The following SMYD3 variants were observed in gnomAD, a reference collection of about 807,000 sequenced individuals.
SMYD3 encodes SET and MYND domain containing 3.
In SMYD3, 36 loss-of-function variants were observed where a neutral mutation model predicts 57.7. The observed-to-expected ratio is 0.62, with a 90% CI of 0.48 to 0.82. SMYD3 has a LOEUF of 0.82. SMYD3 is among the 40% of genes least tolerant of loss of function. The pLI is 0.00. For synonymous variants in SMYD3, 211 were observed against 195.0 expected (o/e 1.08, Z -0.68); for missense variants, 515 against 538.8 (o/e 0.96, Z 0.44).
intron 10 of SMYD3, among the ~76,000 whole-genome samples, chr1:245,845,366 T>C (rs1157475835): frequency 6.6e-6 from 1 of 152,242 alleles, no homozygotes; most frequent in African/African-American, 2.4e-5. Context: ...CTTGCTGATA[T>C]CAAGGTGCAC....
At chr1:245,957,433 C>T (rs939768109) in intron 5 of SMYD3, among the ~76,000 whole-genome samples, 3 of 152,168 alleles carry the variant, frequency 2.0e-5, no homozygotes, top group South Asian at 4.1e-4. Context: ...TAGAAAAGAT[C>T]CTTAGAGGAA....
chr1:246,117,298 T>G (rs978941328), intron 5 of SMYD3, among the ~76,000 whole-genome samples: 2 of 152,168 alleles, frequency 1.3e-5, no homozygotes, highest in African/African-American at 4.8e-5. Context: ...TGTAGTGTAT[T>G]TACATTGCAC....
intron 5 of SMYD3, among the ~76,000 whole-genome samples, chr1:246,206,610 G>A (rs7528471): frequency 0.33 from 50,124 of 152,012 alleles, 10,128 homozygotes; most frequent in East Asian, 0.58. Flanking sequence ...AACCAATTCT[G>A]TTTTCAGATT....
intron 8 of SMYD3, among the ~76,000 whole-genome samples, chr1:245,908,093 G>A (rs527706732): frequency 2.0e-5 from 3 of 151,594 alleles, no homozygotes; most frequent in Admixed American, 6.6e-5. Flanking sequence ...CTGAGATCGC[G>A]CCACTGCACT....
chr1:246,421,559 T>C (rs1377447238), intron 1 of SMYD3, among the ~76,000 whole-genome samples: 1 of 151,998 alleles, frequency 6.6e-6, no homozygotes, highest in African/African-American at 2.4e-5. Context: ...CAGGTCTATA[T>C]TAAAGGCAAT....
rs78254782 is a variant in SMYD3, at chr1:246,199,093, T to A, written c.531+128108A>T. Among the ~76,000 whole-genome samples the A allele has an allele frequency of 7.1e-4, 108 of 151,780 alleles. No homozygotes were observed. The East Asian group carries it at 0.015, about 21-fold the overall frequency. ...CCCAGGGGGTGAGCCTAGTACCCAA[T>A]GGGTAGTTTTTCAGCCCTTGCCCCC... On this transcript the variant is annotated intron_variant, in intron 5 of 11. Transcript: ENST00000490107.
At chr1:246,345,525 A>G (rs550278849) in intron 2 of SMYD3, among the ~76,000 whole-genome samples, 1 of 152,304 alleles carries the variant, frequency 6.6e-6, no homozygotes, top group South Asian at 2.1e-4. Context: ...AAACCTAAAA[A>G]TCCAAAATCC....
Position 245,784,103 on chromosome 1 carries a change from G to C in SMYD3, c.1077-19954C>G, listed in dbSNP as rs187205449. On this transcript the variant is annotated intron_variant, in intron 10 of 11. Transcript: ENST00000490107. ...CAATTTTGGAAAAGGAGCAAAACTA[G>C]AGGATTGATGTGATCTGATTTCAAA... is the stretch of plus-strand genomic sequence containing the variant. Among the ~76,000 whole-genome samples the C allele has an allele frequency of 5.4e-3, 824 of 152,328 alleles. 9 individuals are homozygous for C. The highest frequency in any genetic ancestry group is 0.019 in the African/African-American group (776 of 41,584).
At chr1:246,221,321 G>A (rs1201720052) in intron 5 of SMYD3, among the ~76,000 whole-genome samples, 2 of 152,130 alleles carry the variant, frequency 1.3e-5, no homozygotes, top group East Asian at 1.9e-4. Flanking sequence ...TCTTCATCCT[G>A]CTCACCCTCC....
intron 8 of SMYD3, among the ~76,000 whole-genome samples, chr1:245,905,962 C>T (rs1481125745): frequency 1.3e-5 from 2 of 152,190 alleles, no homozygotes; most frequent in Non-Finnish European, 2.9e-5. Context: ...TGAAACTACA[C>T]CACTATCTCT....
At chr1:246,482,959 C>T (rs1239037170) in intron 1 of SMYD3, among the ~76,000 whole-genome samples, 1 of 152,138 alleles carries the variant, frequency 6.6e-6, no homozygotes, top group Non-Finnish European at 1.5e-5. Context: ...GGGGATGAAA[C>T]TAGTTAACCC....
At chr1:246,472,455 C>T (rs1384036397) in intron 1 of SMYD3, among the ~76,000 whole-genome samples, 1 of 152,060 alleles carries the variant, frequency 6.6e-6, no homozygotes, top group Non-Finnish European at 1.5e-5. Context: ...GTTAAAATGG[C>T]AAATAGGCTG....
intron 5 of SMYD3, among the ~76,000 whole-genome samples, chr1:246,198,428 A>C (rs1416204270): frequency 1.3e-5 from 2 of 152,232 alleles, no homozygotes; most frequent in African/African-American, 4.8e-5. Flanking sequence ...ATACTATTTT[A>C]TTTTCATAAG....
At chr1:246,185,449 CTTTTTTTTTTTT>C (rs1183038960) in intron 5 of SMYD3, among the ~76,000 whole-genome samples, 1 of 80,046 alleles carries the variant, frequency 1.2e-5, no homozygotes, top group East Asian at 3.7e-4. Flanking sequence ...GTTAGTGATT[CTTTTTTTTTTTT>C]TTTTTTTTTT....
At chr1:246,504,868 A>G (rs1343114011) in intron 1 of SMYD3, among the ~76,000 whole-genome samples, 1 of 152,270 alleles carries the variant, frequency 6.6e-6, no homozygotes, top group Admixed American at 6.5e-5. Flanking sequence ...CAAGTAATAC[A>G]GAAACTTATC....
At chr1:246,328,409 C>A (rs1305107676) in intron 4 of SMYD3, among the ~76,000 whole-genome samples, 1 of 152,164 alleles carries the variant, frequency 6.6e-6, no homozygotes, top group East Asian at 1.9e-4. Context: ...GTGTATGACA[C>A]TAGTACTGAG....
chr1:246,294,528 C>A (rs2064756332), intron 5 of SMYD3, among the ~76,000 whole-genome samples: 1 of 152,146 alleles, frequency 6.6e-6, no homozygotes, highest in Non-Finnish European at 1.5e-5. Context: ...GGAGAAAGCC[C>A]TGAAAATAGA....
intron 10 of SMYD3, among the ~76,000 whole-genome samples, chr1:245,830,789 T>C (rs2049790450): frequency 6.6e-6 from 1 of 152,322 alleles, no homozygotes; most frequent in East Asian, 1.9e-4. Context: ...AAATCTCACT[T>C]GAGATAGGCA....
rs1408518934 is a variant in SMYD3 at position 245,974,499 on chromosome 1, G to A, written c.532-44562C>T. 1.7e-4 allele frequency among the ~76,000 whole-genome samples: 26 copies of A among 149,038 alleles called. 1 individual carries two copies. Among genetic ancestry groups the A allele is most frequent in the Non-Finnish European group, 3.4e-4 (23 of 67,334 alleles). On this transcript the variant is annotated intron_variant, in intron 5 of 11. Transcript: ENST00000490107. ...CGTCTCCGGCCCAGGGAAAGCCATCGTCTCCGGCCCAGGGAAAGCCATCGT... is the reference window on the plus strand; with the variant it reads ...CGTCTCCGGCCCAGGGAAAGCCATCATCTCCGGCCCAGGGAAAGCCATCGT...
Sources: allele counts gnomAD v4.1 joint callset (sites outside exome capture counted in the v4.1 genomes callset), GRCh38; gene constraint gnomAD v4.1.1; transcripts MANE v1.5; gene names NCBI Gene and HGNC (gene_info 2026-07-23, HGNC 2026-07-21).